Variants in ST6GALNAC3 observed in about 807,000 individuals in gnomAD.
The protein encoded by ST6GALNAC3 is ST6 N-acetylgalactosaminide alpha-2,6-sialyltransferase 3.
ST6GALNAC3 carries 25 observed loss-of-function variants against 32.7 expected under a neutral mutation model. That is an observed-to-expected ratio of 0.76 (90% CI 0.56 to 1.07). The LOEUF (loss-of-function observed/expected upper bound fraction) is 1.07, where lower values mean the gene tolerates loss of function less well. Ranked by LOEUF, ST6GALNAC3 falls within the 50% of genes least tolerant of loss-of-function variation. The pLI is 0.00. For missense variants in ST6GALNAC3, 355 were observed against 382.4 expected, an observed-to-expected ratio of 0.93 and a Z score of 0.60; for synonymous variants, 129 against 133.1, an observed-to-expected ratio of 0.97 and a Z score of 0.21.
intron 1 of ST6GALNAC3, among the ~76,000 whole-genome samples, chr1:76,120,055 A>T (rs1326022632): frequency 6.6e-6 from 1 of 152,286 alleles, no homozygotes; most frequent in African/African-American, 2.4e-5. Context: ...TGGACACATG[A>T]ACAGACTCTG....
intron 3 of ST6GALNAC3, among the ~76,000 whole-genome samples, chr1:76,515,494 T>C (rs534154010): frequency 1.3e-5 from 2 of 152,198 alleles, no homozygotes; most frequent in South Asian, 2.1e-4. Context: ...TTTCTTGAGG[T>C]GTTTGGTTAA....
intron 3 of ST6GALNAC3, among the ~76,000 whole-genome samples, chr1:76,532,877 TA>T (rs1356779254): frequency 7.7e-6 from 1 of 129,808 alleles, no homozygotes; most frequent in African/African-American, 2.7e-5. Flanking sequence ...ATGCTTTTTT[TA>T]AAAATATCAC....
chr1:76,227,739 G>A lies in ST6GALNAC3; in HGVS notation c.19-86066G>A, dbSNP rs573146325. Among the ~76,000 whole-genome samples, 15 of 152,212 alleles carry A rather than the reference G, an allele frequency of 9.9e-5. No individual in the cohort carries two copies. In the East Asian group the frequency reaches 1.7e-3, roughly 18 times the overall value. The stretch of plus-strand genomic sequence containing the variant: ...GGGAAGAAAATTTCAAAACTTCCTC[G>A]TTGCTCTTTTTAGAAGTTCAATTAC... On this transcript the variant is annotated intron_variant, in intron 1 of 4. Coordinates refer to ENST00000328299, the MANE Select transcript of ST6GALNAC3 (RefSeq NM_152996.4).
chr1:76,303,661 A>T (rs1660863767), intron 1 of ST6GALNAC3, among the ~76,000 whole-genome samples: 2 of 152,104 alleles, frequency 1.3e-5, no homozygotes, highest in African/African-American at 4.8e-5. Context: ...TCTATTTCTC[A>T]TTCCATGATA....
chr1:76,455,594 A>C (rs772583183), intron 3 of ST6GALNAC3, among the ~76,000 whole-genome samples: 2 of 152,184 alleles, frequency 1.3e-5, no homozygotes, highest in African/African-American at 2.4e-5. Flanking sequence ...TTCAGCTACA[A>C]GTTGAAAACC....
chr1:76,164,474 C>T (rs1213305612), intron 1 of ST6GALNAC3, among the ~76,000 whole-genome samples: 1 of 152,146 alleles, frequency 6.6e-6, no homozygotes, highest in Non-Finnish European at 1.5e-5. Flanking sequence ...GTTATCCCAA[C>T]CTTCAAAAAT....
At chr1:76,188,733 A>G (rs2100495325) in intron 1 of ST6GALNAC3, among the ~76,000 whole-genome samples, 1 of 152,344 alleles carries the variant, frequency 6.6e-6, no homozygotes, top group Admixed American at 6.5e-5. Context: ...AACCATAAAG[A>G]AAATAAAATG....
At chr1:76,578,119 T>G (rs1646838008) in intron 3 of ST6GALNAC3, among the ~76,000 whole-genome samples, 1 of 152,172 alleles carries the variant, frequency 6.6e-6, no homozygotes. Context: ...AATTAGAATA[T>G]CCATTTTGAG....
At chr1:76,472,389 C>G (rs1659087961) in intron 3 of ST6GALNAC3, among the ~76,000 whole-genome samples, 1 of 152,098 alleles carries the variant, frequency 6.6e-6, no homozygotes, top group African/African-American at 2.4e-5. Context: ...ATGCCAATAG[C>G]TGTCAATTGC....
chr1:76,122,937 G>T (rs959360543), intron 1 of ST6GALNAC3, among the ~76,000 whole-genome samples: 2 of 152,170 alleles, frequency 1.3e-5, no homozygotes, highest in Non-Finnish European at 2.9e-5. Flanking sequence ...GCTACTTAGA[G>T]TGGGGTCTGT....
chr1:76,388,454 G>A (rs575238538), intron 2 of ST6GALNAC3, among the ~76,000 whole-genome samples: 1 of 152,240 alleles, frequency 6.6e-6, no homozygotes, highest in South Asian at 2.1e-4. Flanking sequence ...AAGCACCACA[G>A]GACTTTATTT....
At chr1:76,304,202 G>T (rs1156545500) in intron 1 of ST6GALNAC3, among the ~76,000 whole-genome samples, 2 of 151,608 alleles carry the variant, frequency 1.3e-5, no homozygotes, top group Admixed American at 1.3e-4. Flanking sequence ...AATATTTACT[G>T]AATATTTTCT....
At chr1:76,296,341 C>T (rs932405988) in intron 1 of ST6GALNAC3, among the ~76,000 whole-genome samples, 1 of 152,170 alleles carries the variant, frequency 6.6e-6, no homozygotes, top group South Asian at 2.1e-4. Context: ...TGAGTTCTTT[C>T]GTAGCTTTGA....
chr1:76,137,886 T>A (rs961796585), intron 1 of ST6GALNAC3, among the ~76,000 whole-genome samples: 2 of 152,216 alleles, frequency 1.3e-5, no homozygotes, highest in Non-Finnish European at 2.9e-5. Flanking sequence ...GAGGAAGCCA[T>A]CTCTGACCCA....
At chr1:76,549,780 A>G (rs1346425315) in intron 3 of ST6GALNAC3, among the ~76,000 whole-genome samples, 4 of 152,338 alleles carry the variant, frequency 2.6e-5, no homozygotes, top group Middle Eastern at 3.4e-3. Context: ...AGTGTTCTAC[A>G]AAACAGTTGT....
intron 1 of ST6GALNAC3, among the ~76,000 whole-genome samples, chr1:76,211,264 A>G (rs990978651): frequency 6.6e-6 from 1 of 152,244 alleles, no homozygotes; most frequent in Non-Finnish European, 1.5e-5. Flanking sequence ...TAGAATGGCA[A>G]TCATTAAAAA....
chr1:76,550,582 C>A (rs1017270928), intron 3 of ST6GALNAC3, among the ~76,000 whole-genome samples: 1 of 152,058 alleles, frequency 6.6e-6, no homozygotes, highest in Non-Finnish European at 1.5e-5. Flanking sequence ...GGTGTAGGGG[C>A]TTAGTAGCCA....
At position 76,584,926 on chromosome 1, in the gene ST6GALNAC3, C is replaced by T. The variant is rs576673147; in HGVS notation, c.624-42526C>T. On this transcript the variant is annotated intron_variant, in intron 3 of 4. Transcript: ENST00000328299. ...GCCACATGGGGCTTTTTCTCTGTCA[C>T]GAGGCCAGCAATATCCCAAATATGA... 3.9e-5 allele frequency among the ~76,000 whole-genome samples: 6 copies of T among 152,248 alleles called. No homozygotes were observed. In the South Asian group the frequency reaches 8.3e-4, roughly 21 times the overall value.
At position 76,566,958 on chromosome 1, in the gene ST6GALNAC3, C is replaced by T. The variant is rs115812854; in HGVS notation, c.624-60494C>T. 8.7e-3 allele frequency among the ~76,000 whole-genome samples: 1,330 copies of T among 152,086 alleles called. 20 individuals carry two copies. The highest frequency in any genetic ancestry group is 0.049 in the East Asian group (253 of 5,146). ...CACATCCTTGTGATTCACTTTGTCCCAGTGAATTCCAAACAGTTGGCCATC... is the reference window on the plus strand; with the variant it reads ...CACATCCTTGTGATTCACTTTGTCCTAGTGAATTCCAAACAGTTGGCCATC... On this transcript the variant is annotated intron_variant, in intron 3 of 4. Transcript: ENST00000328299.
Sources: allele counts gnomAD v4.1 joint callset (sites outside exome capture counted in the v4.1 genomes callset), GRCh38; gene constraint gnomAD v4.1.1; transcripts MANE v1.5; gene names NCBI Gene and HGNC (gene_info 2026-07-23, HGNC 2026-07-21).